Variants in RGS7 observed in about 807,000 individuals in gnomAD.
The protein encoded by RGS7 is regulator of G protein signaling 7.
Under a neutral mutation model 81.1 loss-of-function variants are expected in RGS7, and 27 were observed. That is an observed-to-expected ratio of 0.33 (90% CI 0.25 to 0.46). The LOEUF (loss-of-function observed/expected upper bound fraction) is 0.46, where lower values mean the gene tolerates loss of function less well. RGS7 is among the 20% of genes least tolerant of loss of function. The pLI is 1.00. For synonymous variants in RGS7, 208 were observed against 207.7 expected (o/e 1.00, Z -0.01); for missense variants, 396 against 607.4 (o/e 0.65, Z 3.66).
intron 2 of RGS7, among the ~76,000 whole-genome samples, chr1:241,332,103 G>T (rs1393486054): frequency 6.6e-6 from 1 of 152,110 alleles, no homozygotes; most frequent in Non-Finnish European, 1.5e-5. Context: ...ATTCCAAAGA[G>T]CACCGTGTAG....
intron 4 of RGS7, among the ~76,000 whole-genome samples, chr1:240,945,715 A>G (rs1158602275): frequency 6.6e-6 from 1 of 152,232 alleles, no homozygotes; most frequent in East Asian, 1.9e-4. Flanking sequence ...TTTTGCAGAA[A>G]CAAATGCTTG....
chr1:240,950,834 C>T (rs986911296), intron 4 of RGS7, among the ~76,000 whole-genome samples: 3 of 152,142 alleles, frequency 2.0e-5, no homozygotes, highest in African/African-American at 2.4e-5. Context: ...ACATTAAGCA[C>T]GGTCCAAGTA....
At chr1:241,165,568 G>A (rs1220357401) in intron 2 of RGS7, among the ~76,000 whole-genome samples, 2 of 149,044 alleles carry the variant, frequency 1.3e-5, no homozygotes, top group South Asian at 4.3e-4. Context: ...CTCATAGGTG[G>A]GAATTGAACA....
intron 3 of RGS7, among the ~76,000 whole-genome samples, chr1:240,984,488 T>C (rs1685374678): frequency 6.6e-6 from 1 of 152,296 alleles, no homozygotes; most frequent in African/African-American, 2.4e-5. Flanking sequence ...CCCGGAAGCA[T>C]AGATGAATAG....
chr1:241,091,007 A>T (rs1018853172), intron 3 of RGS7, among the ~76,000 whole-genome samples: 1 of 152,188 alleles, frequency 6.6e-6, no homozygotes, highest in African/African-American at 2.4e-5. Context: ...GGTGGTGAGA[A>T]ACAGAATGGG....
chr1:240,899,572 G>A (rs967240558), intron 6 of RGS7, among the ~76,000 whole-genome samples: 5 of 152,274 alleles, frequency 3.3e-5, no homozygotes, highest in African/African-American at 1.2e-4. Flanking sequence ...ATGAAATTCT[G>A]GGTTGAAAAT....
intron 6 of RGS7, among the ~76,000 whole-genome samples, chr1:240,878,030 C>T (rs1665736883): frequency 6.6e-6 from 1 of 152,046 alleles, no homozygotes; most frequent in African/African-American, 2.4e-5. Flanking sequence ...TCCTTACTGC[C>T]CCATTAAGTG....
intron 2 of RGS7, among the ~76,000 whole-genome samples, chr1:241,292,016 G>C (rs2079118527): frequency 6.6e-6 from 1 of 152,064 alleles, no homozygotes; most frequent in South Asian, 2.1e-4. Context: ...CTAAGAGACA[G>C]ATGCAGCCTT....
chr1:240,873,944 A>C (rs1393066941), intron 6 of RGS7, among the ~76,000 whole-genome samples: 1 of 152,050 alleles, frequency 6.6e-6, no homozygotes, highest in Non-Finnish European at 1.5e-5. Flanking sequence ...ACAGTCAGGC[A>C]GTTTGTACAA....
rs2082651146 is a variant in RGS7, at chr1:241,342,939, A to G, written c.78+12760T>C. Among the ~76,000 whole-genome samples, 2 of 152,104 alleles carry G rather than the reference A, an allele frequency of 1.3e-5. 1 individual carries two copies. The highest frequency in any genetic ancestry group is 2.9e-5 in the Non-Finnish European group (2 of 67,996). On this transcript the variant is annotated intron_variant, in intron 2 of 18. Coordinates refer to ENST00000440928, the MANE Select transcript of RGS7 (RefSeq NM_001364886.1). ...GGAGATGTCAAATGGTGCAGCCACTAGAGAACACGGTATGGCAGTTCCTCA... is the reference window on the plus strand; with the variant it reads ...GGAGATGTCAAATGGTGCAGCCACTGGAGAACACGGTATGGCAGTTCCTCA...
At chr1:240,910,895 T>C (rs1671641384) in intron 6 of RGS7, among the ~76,000 whole-genome samples, 1 of 152,112 alleles carries the variant, frequency 6.6e-6, no homozygotes, top group Admixed American at 6.6e-5. Context: ...ATTTTTTTTA[T>C]TTTTAGTAGA....
rs1479399427 is a variant in RGS7, at chr1:241,144,964, T to TGTGTGTGTGTGTGTGTGTG, written c.79-46203_79-46202insCACACACACACACACACAC. ...GTGTGTGTGTGTGTGTGTGTGTGTG[T>TGTGTGTGTGTGTGTGTGTG]TCGTGTTCATTCTTCCTGTTCCTGT... is the stretch of plus-strand genomic sequence containing the variant. On this transcript the variant is annotated intron_variant, in intron 2 of 18. Coordinates refer to ENST00000440928, the MANE Select transcript of RGS7 (RefSeq NM_001364886.1). The surrounding 1 kb of genome is among the most constrained non-coding windows in gnomAD (Gnocchi z 4.7). Among the ~76,000 whole-genome samples, 18 of 144,508 alleles carry TGTGTGTGTGTGTGTGTGTG rather than the reference T, an allele frequency of 1.2e-4. No individual in the cohort carries two copies. The highest frequency in any genetic ancestry group is 4.9e-4 in the African/African-American group (18 of 36,928). The allele number at this position is 144,508 out of a possible 152,430, so 94.8% of individuals were successfully genotyped here.
chr1:241,098,617 T>C (rs1431692168), intron 3 of RGS7, 49 bp downstream of exon 3: 3 of 1,235,846 alleles, frequency 2.4e-6, no homozygotes, highest in African/African-American at 3.0e-5. Context: ...TTTAAAGAGT[T>C]ATCTAAGAGG....
intron 2 of RGS7, among the ~76,000 whole-genome samples, chr1:241,142,415 G>T (rs1466296436): frequency 2.6e-5 from 4 of 152,182 alleles, no homozygotes; most frequent in African/African-American, 9.7e-5. Flanking sequence ...TGGACATCCA[G>T]GCATTTCCAT....
chr1:241,029,046 T>C (rs1160103915), intron 3 of RGS7, among the ~76,000 whole-genome samples: 1 of 152,060 alleles, frequency 6.6e-6, no homozygotes, highest in African/African-American at 2.4e-5. Flanking sequence ...ATCAATACGA[T>C]TGAAGAGGCG....
intron 6 of RGS7, among the ~76,000 whole-genome samples, chr1:240,877,472 T>C (rs1247125977): frequency 5.3e-5 from 8 of 151,966 alleles, no homozygotes; most frequent in Admixed American, 4.6e-4. Context: ...TATATGCATA[T>C]ATTTATTTTA....
At chr1:241,021,716 A>G (rs2059545262) in intron 3 of RGS7, among the ~76,000 whole-genome samples, 1 of 152,172 alleles carries the variant, frequency 6.6e-6, no homozygotes, top group African/African-American at 2.4e-5. Context: ...TTAAAAATCT[A>G]TGTGAAAACA....
At chr1:241,264,240 G>A (rs2148301358) in intron 2 of RGS7, among the ~76,000 whole-genome samples, 1 of 152,288 alleles carries the variant, frequency 6.6e-6, no homozygotes, top group South Asian at 2.1e-4. Context: ...ACTCATGCCT[G>A]TAATTCCAGC....
At chr1:240,789,041 G>A (rs1685526077) in intron 18 of RGS7, among the ~76,000 whole-genome samples, 1 of 152,158 alleles carries the variant, frequency 6.6e-6, no homozygotes, top group Non-Finnish European at 1.5e-5. Context: ...CCTGAATGGA[G>A]GGACCGGCTG....
Sources: allele counts gnomAD v4.1 joint callset (sites outside exome capture counted in the v4.1 genomes callset), GRCh38; gene constraint gnomAD v4.1.1; non-coding constraint Gnocchi (gnomAD v3.1); transcripts MANE v1.5; gene names NCBI Gene and HGNC (gene_info 2026-07-23, HGNC 2026-07-21).